Variants in NRXN1 observed in about 807,000 individuals in gnomAD.
NRXN1 encodes the protein neurexin-1.
NRXN1 carries 39 observed loss-of-function variants against 150.9 expected under a neutral mutation model. The observed-to-expected ratio is 0.26, with a 90% CI of 0.20 to 0.34. The LOEUF (loss-of-function observed/expected upper bound fraction) is 0.34. Ranked by LOEUF, NRXN1 falls within the 10% of genes least tolerant of loss-of-function variation. The probability of loss-of-function intolerance (pLI) is 1.00; values close to 1 mark genes in which losing one functional copy is unlikely to be tolerated. For synonymous variants in NRXN1, 924 were observed against 757.0 expected (o/e 1.22, Z -3.62); for missense variants, 1,815 against 1,949.9 (o/e 0.93, Z 1.30).
chr2:50,191,967 T>G (rs1476996554), intron 18 of NRXN1, among the ~76,000 whole-genome samples: 1 of 152,148 alleles, frequency 6.6e-6, no homozygotes, highest in Non-Finnish European at 1.5e-5. Context: ...AAGAACCAAT[T>G]GTTCATATGC....
At chr2:50,925,640 T>C (rs1372198158) in intron 3 of NRXN1, among the ~76,000 whole-genome samples, 1 of 151,798 alleles carries the variant, frequency 6.6e-6, no homozygotes, top group East Asian at 1.9e-4. Flanking sequence ...TCTTTTAAAG[T>C]AAAAAAAGCA....
chr2:50,492,365 C>T (rs2091301185), intron 15 of NRXN1, among the ~76,000 whole-genome samples: 1 of 152,140 alleles, frequency 6.6e-6, no homozygotes. Context: ...AGGCCAGCTG[C>T]ATGGAATTTA....
intron 17 of NRXN1, among the ~76,000 whole-genome samples, chr2:50,280,762 A>T (rs1441895476): frequency 6.6e-6 from 1 of 152,172 alleles, no homozygotes; most frequent in East Asian, 1.9e-4. Flanking sequence ...TATTCTCCCA[A>T]GTCCAAAGTG....
At position 50,329,649 on chromosome 2, in the gene NRXN1, ATATATATATATATATATATATATATT is replaced by A. The variant is rs1291479970; in HGVS notation, c.3365-92705_3365-92680del. On this transcript the variant is annotated intron_variant, in intron 17 of 22. Coordinates refer to ENST00000401669, the MANE Select transcript of NRXN1 (RefSeq NM_001330078.2). ...TATATATATATATATATATATATAT[ATATATATATATATATATATATATATT>A]TTTTTTTTTCCCCCCCGAGACGGAG... 8.4e-3 allele frequency among the ~76,000 whole-genome samples: 184 copies of A among 22,004 alleles called. 14 individuals carry two copies. The South Asian group carries it at 0.19, about 22-fold the overall frequency. 14.4% of individuals were successfully genotyped at this position (22,004 alleles called of 152,430 possible).
At chr2:50,808,978 T>C (rs1167786108) in intron 5 of NRXN1, among the ~76,000 whole-genome samples, 2 of 152,108 alleles carry the variant, frequency 1.3e-5, no homozygotes, top group Admixed American at 6.6e-5. Context: ...AAAAAATCTT[T>C]CTAACAGACT....
intron 5 of NRXN1, chr2:50,656,343 A>G (rs1460961042): frequency 1.3e-6 from 1 of 774,716 alleles, no homozygotes; most frequent in Non-Finnish European, 2.4e-6. Flanking sequence ...TCTATACTCT[A>G]AAGAGTACCT....
intron 6 of NRXN1, 52 bp from the exon 7 acceptor site, chr2:50,621,301 G>C (rs1242570166): frequency 6.5e-6 from 9 of 1,384,060 alleles, no homozygotes; most frequent in South Asian, 1.3e-5. Context: ...ACAGAATAAC[G>C]ATCGTTACTT....
intron 5 of NRXN1, among the ~76,000 whole-genome samples, chr2:50,737,196 A>C (rs80317492): frequency 6.6e-6 from 1 of 151,596 alleles, no homozygotes; most frequent in African/African-American, 2.4e-5. Context: ...ACTCCATTTC[A>C]AAAAAAAAGA....
At chr2:50,857,504 T>A in intron 5 of NRXN1, among the ~76,000 whole-genome samples, 1 of 152,080 alleles carries the variant, frequency 6.6e-6, no homozygotes, top group African/African-American at 2.4e-5. Context: ...GGAAGTGAAT[T>A]CTCTTTGGAG....
chr2:50,050,105 T>A (rs951114730), intron 21 of NRXN1, among the ~76,000 whole-genome samples: 9 of 151,414 alleles, frequency 5.9e-5, no homozygotes, highest in African/African-American at 2.2e-4. Flanking sequence ...ATAAATCACA[T>A]CTTCCTAAAG....
At position 50,969,157 on chromosome 2, in the gene NRXN1, G is replaced by A. The variant is rs145465592; in HGVS notation, c.773-43202C>T. Among the ~76,000 whole-genome samples, 793 of 152,076 alleles carry A rather than the reference G, an allele frequency of 5.2e-3. 8 individuals are homozygous for A. The highest frequency in any genetic ancestry group is 0.018 in the African/African-American group (751 of 41,480). The stretch of plus-strand genomic sequence containing the variant: ...CTCTTGTCCTCAGAGATACCTTGCC[G>A]GATGACGCAACTGAAAGTCAGACAT... On this transcript the variant is annotated intron_variant, in intron 2 of 22. Coordinates refer to ENST00000401669, the MANE Select transcript of NRXN1 (RefSeq NM_001330078.2).
At chr2:50,277,578 G>T (rs1228951197) in intron 17 of NRXN1, among the ~76,000 whole-genome samples, 1 of 149,252 alleles carries the variant, frequency 6.7e-6, no homozygotes. Flanking sequence ...TTCTTAGCCA[G>T]GAGATTTTAA....
At position 51,027,759 on chromosome 2, in the gene NRXN1, G is replaced by A. The variant is rs199986986; in HGVS notation, c.515C>T (p.Ala172Val). 1 of 1,612,236 alleles carries A rather than the reference G, an allele frequency of 6.2e-7. No individual in the cohort carries two copies. The highest frequency in any genetic ancestry group is 8.5e-7 in the Non-Finnish European group (1 of 1,179,272). ...GAAGGGCTCCCGCTCCCTCACCGAG[G>A]CCAGGGTGAGCTTGAGCGCCGCGGC... is the stretch of plus-strand genomic sequence containing the variant. ...LRAAALKLTL[A>V]SVREREPFKG... The change falls in exon 2 of 23, where the codon GCC becomes GTC. Residue 172 changes from alanine (A) to valine (V), a missense_variant. By Grantham distance (64) the Ala-to-Val change is moderately conservative. Transcript: ENST00000401669.
At chr2:50,906,673 C>G (rs571661439) in intron 5 of NRXN1, among the ~76,000 whole-genome samples, 2 of 152,186 alleles carry the variant, frequency 1.3e-5, no homozygotes, top group African/African-American at 4.8e-5. Context: ...CCAGTTTCAT[C>G]CTTTAGGTTC....
chr2:50,436,911 C>A (rs1051549735), intron 17 of NRXN1, among the ~76,000 whole-genome samples: 4 of 152,114 alleles, frequency 2.6e-5, no homozygotes, highest in Non-Finnish European at 5.9e-5. Flanking sequence ...TATTCCATCT[C>A]CCAAAGTAAT....
intron 2 of NRXN1, among the ~76,000 whole-genome samples, chr2:50,951,455 A>C (rs1575033222): frequency 6.6e-6 from 1 of 152,200 alleles, no homozygotes; most frequent in African/African-American, 2.4e-5. Flanking sequence ...CCTAGAACCT[A>C]GCTTTAAGTA....
At chr2:50,652,756 A>C (rs1685832186) in intron 5 of NRXN1, among the ~76,000 whole-genome samples, 1 of 152,070 alleles carries the variant, frequency 6.6e-6, no homozygotes, top group South Asian at 2.1e-4. Flanking sequence ...TATGCTTAAC[A>C]GTTTAAGAAA....
At chr2:50,609,990 T>C (rs898051946) in intron 8 of NRXN1, among the ~76,000 whole-genome samples, 2 of 152,262 alleles carry the variant, frequency 1.3e-5, no homozygotes, top group South Asian at 2.1e-4. Context: ...ATAAGAGTAT[T>C]ATTTTCATTT....
chr2:50,335,615 C>T (rs1483617648), intron 17 of NRXN1, among the ~76,000 whole-genome samples: 2 of 152,206 alleles, frequency 1.3e-5, no homozygotes, highest in African/African-American at 4.8e-5. Flanking sequence ...CACTAAACTG[C>T]AGCAATAGCC....
Sources: gnomAD v4.1 joint callset for allele counts (sites outside exome capture counted in the v4.1 genomes callset) on GRCh38, gnomAD v4.1.1 for gene constraint, MANE v1.5 for transcripts, NCBI Gene and HGNC (gene_info 2026-07-23, HGNC 2026-07-21) for gene names.